The following MRPL34 variants were observed in gnomAD, a reference collection of about 807,000 sequenced individuals.
The protein encoded by MRPL34 is large ribosomal subunit protein bL34m.
Under a neutral mutation model 6.7 loss-of-function variants are expected in MRPL34, and 8 were observed. That is an observed-to-expected ratio of 1.20 (90% CI 0.70 to 2.16). The LOEUF is 2.16. Ranked by LOEUF, MRPL34 falls within the 30% of genes most tolerant of loss-of-function variation. MRPL34 has a pLI of 0.00. For missense variants in MRPL34, 146 were observed against 125.5 expected (o/e 1.16, Z -0.78); for synonymous variants, 59 against 55.1 (o/e 1.07, Z -0.31).
intron 1 of MRPL34, among the ~76,000 whole-genome samples, chr19:17,295,078 C>A (rs1319727542): frequency 6.6e-6 from 1 of 150,604 alleles, no homozygotes; most frequent in African/African-American, 2.5e-5. Flanking sequence ...CGCACACCAC[C>A]ACACCCAGGT....
upstream of MRPL34, among the ~76,000 whole-genome samples, chr19:17,299,236 C>CA (rs201088770): frequency 2.2e-5 from 3 of 137,250 alleles, no homozygotes; most frequent in African/African-American, 7.9e-5. Flanking sequence ...ATAATGAGAC[C>CA]CCCCCCCCAT....
chr19:17,304,742 A>G (rs572071209), upstream of MRPL34, among the ~76,000 whole-genome samples: 2 of 152,272 alleles, frequency 1.3e-5, no homozygotes, highest in Non-Finnish European at 2.9e-5. Flanking sequence ...AGTCAAGGGA[A>G]AGCAGTCGGG....
At position 17,306,611 on chromosome 19, in the gene MRPL34, G is replaced by A. The variant is rs2074150466; in HGVS notation, c.*232G>A. The A allele has an allele frequency of 2.2e-6, 1 of 452,962 alleles. No individual in the cohort carries two copies. Among genetic ancestry groups the A allele is most frequent in the East Asian group, 4.1e-5 (1 of 24,346 alleles). The allele number at this position is 452,962 out of a possible 1,614,324, so 28.1% of individuals were successfully genotyped here. Reference sequence around the variant, plus strand: ...CCAAAGAACAGTACAAAGAACATCCGTGTACCCAGTACCCTGACTACCGAC... The same window carrying A: ...CCAAAGAACAGTACAAAGAACATCCATGTACCCAGTACCCTGACTACCGAC... On this transcript the variant is annotated 3_prime_UTR_variant, in exon 2 of 2. Transcript: ENST00000252602.
chr19:17,301,124 G>T, upstream of MRPL34: 1 of 1,612,928 alleles, frequency 6.2e-7, no homozygotes, highest in Non-Finnish European at 8.5e-7. Flanking sequence ...CTAGTGATGC[G>T]CTTCTCACAG....
intron 1 of MRPL34, chr19:17,294,428 CG>C: frequency 6.2e-7 from 1 of 1,614,112 alleles, no homozygotes; most frequent in South Asian, 1.1e-5. Context: ...GCCCGGAGTA[CG>C]AAGGATGACA....
upstream of MRPL34, among the ~76,000 whole-genome samples, chr19:17,304,046 C>T (rs1046614978): frequency 3.3e-5 from 5 of 152,120 alleles, no homozygotes; most frequent in Non-Finnish European, 5.9e-5. Flanking sequence ...GCAATCCTCT[C>T]GTCTACGGCC....
At chr19:17,298,003 C>T (rs1211479194), upstream of MRPL34, 1 of 151,682 alleles carries the variant, frequency 6.6e-6, no homozygotes, top group Non-Finnish European at 1.5e-5. Flanking sequence ...CAAGCTCCAC[C>T]TCCTGGGTGC....
At chr19:17,300,696 C>A (rs192097303), upstream of MRPL34, among the ~76,000 whole-genome samples, 239 of 152,094 alleles carry the variant, frequency 1.6e-3, no homozygotes, top group African/African-American at 5.6e-3. Flanking sequence ...CAGACTGTTC[C>A]CGAACTCCCA....
intron 1 of MRPL34, chr19:17,296,700 T>G (rs904957095): frequency 3.3e-5 from 5 of 151,808 alleles, no homozygotes; most frequent in African/African-American, 4.8e-5. Context: ...ATAAGGTTTT[T>G]TTTTTTTTTT....
At chr19:17,294,664 G>C (rs2074085736) in intron 1 of MRPL34, 1 of 1,612,976 alleles carries the variant, frequency 6.2e-7, no homozygotes, top group South Asian at 1.1e-5. Context: ...CTTTGGGGTG[G>C]GGACACTCAC....
At chr19:17,303,372 CCCCTGGCGGTCAGCGCAGGG>C (rs1478286889), upstream of MRPL34, 1 of 152,278 alleles carries the variant, frequency 6.6e-6, no homozygotes, top group East Asian at 1.9e-4. Flanking sequence ...CGGGCACCTG[CCCCTGGCGGTCAGCGCAGGG>C]GCATCCCGCG....
At chr19:17,299,242 C>CCT (rs1555720802), upstream of MRPL34, among the ~76,000 whole-genome samples, 5 of 147,046 alleles carry the variant, frequency 3.4e-5, no homozygotes, top group South Asian at 2.2e-4. Flanking sequence ...AGACCCCCCC[C>CCT]CCATTCTCTA....
At chr19:17,297,917 CT>C (rs11299354), upstream of MRPL34, 42,633 of 136,058 alleles carry the variant, frequency 0.31, 6,942 homozygotes, top group African/African-American at 0.42. Flanking sequence ...TTTCTTTTTT[CT>C]TTTTTTTTTT....
upstream of MRPL34, among the ~76,000 whole-genome samples, chr19:17,302,549 A>G (rs2074125552): frequency 6.6e-6 from 1 of 152,106 alleles, no homozygotes. Context: ...GGGGATGGGG[A>G]CTGAGCCACA....
chr19:17,300,875 G>A (rs1165212243), upstream of MRPL34: 1 of 1,597,650 alleles, frequency 6.3e-7, no homozygotes, highest in Non-Finnish European at 8.6e-7. Context: ...TGGCCAATGA[G>A]CACATTTCGC....
chr19:17,305,680 T>A (rs1329260357), upstream of MRPL34: 1 of 602,988 alleles, frequency 1.7e-6, no homozygotes, highest in African/African-American at 1.9e-5. Flanking sequence ...GGCTACCTGT[T>A]GGTGTGTATG....
rs973373086 is a variant in MRPL34 at position 17,294,924 on chromosome 19, C to CTTTGTT, written c.214+2084_214+2089dup. On this transcript the variant is annotated intron_variant, in intron 1 of 2. Transcript: ENST00000595444. ...TACAAGCAGTGACCATTTTGTTTTG[C>CTTTGTT]TTTGTTTTTGTTTTTGTTTGAGACA... 1.7e-5 allele frequency: 26 copies of CTTTGTT among 1,527,944 alleles called. No homozygotes were observed. The African/African-American group carries it at 3.0e-4, about 18-fold the overall frequency. 94.6% of individuals were successfully genotyped at this position (1,527,944 alleles called of 1,614,324 possible).
chr19:17,301,550 G>GC (rs2074118911), upstream of MRPL34: 1 of 1,607,420 alleles, frequency 6.2e-7, no homozygotes, highest in African/African-American at 1.3e-5. Flanking sequence ...CTCTCCAGTG[G>GC]CCCCACGGCG....
chr19:17,294,065 C>A (rs2074082414), intron 1 of MRPL34, among the ~76,000 whole-genome samples: 1 of 152,116 alleles, frequency 6.6e-6, no homozygotes, highest in Non-Finnish European at 1.5e-5. Context: ...TCCAGGGCAG[C>A]CCTGCTTTCT....
Sources: gnomAD v4.1 joint callset for allele counts (sites outside exome capture counted in the v4.1 genomes callset) on GRCh38, gnomAD v4.1.1 for gene constraint, MANE v1.5 for transcripts, NCBI Gene and HGNC (gene_info 2026-07-23, HGNC 2026-07-21) for gene names.